Variants in CDH12 observed in about 807,000 individuals in gnomAD.
CDH12 encodes the protein cadherin-12.
Under a neutral mutation model 74.1 loss-of-function variants are expected in CDH12, and 41 were observed. That is an observed-to-expected ratio of 0.55 (90% CI 0.43 to 0.72). CDH12 has a LOEUF of 0.72. CDH12 is among the 30% of genes least tolerant of loss of function. The pLI, the probability that CDH12 is intolerant of heterozygous loss-of-function variation, is 0.00. For missense variants in CDH12, 945 were observed against 977.2 expected (o/e 0.97, Z 0.44); for synonymous variants, 399 against 355.0 (o/e 1.12, Z -1.39).
chr5:22,469,528 C>T (rs1745871490), intron 2 of CDH12, among the ~76,000 whole-genome samples: 1 of 123,486 alleles, frequency 8.1e-6, no homozygotes, highest in Non-Finnish European at 1.7e-5. Context: ...CATTAAGGCT[C>T]ACTCCAGTGA....
chr5:22,656,321 A>C (rs1392188817), intron 1 of CDH12, among the ~76,000 whole-genome samples: 1 of 152,230 alleles, frequency 6.6e-6, no homozygotes, highest in Non-Finnish European at 1.5e-5. Flanking sequence ...ATCTTTAAAA[A>C]GGTGTTCAAG....
chr5:22,825,852 T>C (rs1736299608), intron 1 of CDH12, among the ~76,000 whole-genome samples: 1 of 152,106 alleles, frequency 6.6e-6, no homozygotes, highest in Non-Finnish European at 1.5e-5. Context: ...AGGGAGAAAT[T>C]TGCAAATACC....
intron 3 of CDH12, among the ~76,000 whole-genome samples, chr5:22,360,693 C>T (rs1740763509): frequency 6.6e-6 from 1 of 152,108 alleles, no homozygotes; most frequent in South Asian, 2.1e-4. Flanking sequence ...AAAATACTGG[C>T]AAACTGAATC....
At chr5:22,673,036 T>C (rs558865452) in intron 1 of CDH12, among the ~76,000 whole-genome samples, 16 of 152,120 alleles carry the variant, frequency 1.1e-4, no homozygotes, top group Non-Finnish European at 2.2e-4. Flanking sequence ...TTTTTTCTCT[T>C]TTGGATCTTT....
chr5:22,553,662 A>C (rs1449381849), intron 1 of CDH12, among the ~76,000 whole-genome samples: 1 of 152,212 alleles, frequency 6.6e-6, no homozygotes, highest in Non-Finnish European at 1.5e-5. Flanking sequence ...ATAACAATGG[A>C]TAGTAAGACT....
intron 6 of CDH12, among the ~76,000 whole-genome samples, chr5:21,933,039 A>T (rs1215526832): frequency 6.6e-6 from 1 of 151,528 alleles, no homozygotes; most frequent in African/African-American, 2.4e-5. Flanking sequence ...TATATCCAAC[A>T]TTAGCAAGCT....
intron 1 of CDH12, among the ~76,000 whole-genome samples, chr5:22,578,096 C>G (rs1014785001): frequency 1.4e-4 from 21 of 152,152 alleles, no homozygotes; most frequent in Non-Finnish European, 2.9e-5. Flanking sequence ...TGTCATCACT[C>G]TTACTATTCA....
At chr5:22,281,000 C>T (rs1329574124) in intron 3 of CDH12, among the ~76,000 whole-genome samples, 4 of 152,152 alleles carry the variant, frequency 2.6e-5, no homozygotes, top group South Asian at 2.1e-4. Context: ...CCGAATCCAG[C>T]AGCCCATCAA....
intron 5 of CDH12, among the ~76,000 whole-genome samples, chr5:22,011,497 T>C (rs1737290560): frequency 1.3e-5 from 2 of 152,192 alleles, no homozygotes; most frequent in Non-Finnish European, 2.9e-5. Flanking sequence ...GTATGTCCAT[T>C]TAACTTCTGG....
At chr5:21,809,991 T>A (rs1747659845) in intron 9 of CDH12, among the ~76,000 whole-genome samples, 1 of 152,020 alleles carries the variant, frequency 6.6e-6, no homozygotes, top group Non-Finnish European at 1.5e-5. Context: ...CATGTAAGAA[T>A]TCATGAAGAT....
At chr5:22,101,586 T>C (rs1448447128) in intron 4 of CDH12, among the ~76,000 whole-genome samples, 1 of 152,106 alleles carries the variant, frequency 6.6e-6, no homozygotes, top group Non-Finnish European at 1.5e-5. Flanking sequence ...ACAGAAGTAT[T>C]TTCCATCTTA....
In CDH12 at chr5:22,699,356, C is replaced by T. The variant is rs144594751; in HGVS notation, c.-523+153702G>A. Among the ~76,000 whole-genome samples, 22 of 152,204 alleles carry T rather than the reference C, an allele frequency of 1.4e-4. No individual in the cohort carries two copies. In the East Asian group the frequency reaches 3.3e-3, roughly 23 times the overall value. ...TGATACCAATACATGTTTGTTAACA[C>T]GATTAACTACAAAGTGGGATTTCAT... is the stretch of plus-strand genomic sequence containing the variant. On this transcript the variant is annotated intron_variant, in intron 1 of 14. Transcript: ENST00000382254.
chr5:21,915,441 T>C lies in CDH12; in HGVS notation c.526+59650A>G, dbSNP rs939222556. On this transcript the variant is annotated intron_variant, in intron 6 of 14. Coordinates refer to ENST00000382254, the MANE Select transcript of CDH12 (RefSeq NM_004061.5). ...GAATTTAAAAAGGAACACAATGACCTAACTATGGGGCAAGTTAATAATAGG... is the reference window on the plus strand; with the variant it reads ...GAATTTAAAAAGGAACACAATGACCCAACTATGGGGCAAGTTAATAATAGG... Among the ~76,000 whole-genome samples the C allele has an allele frequency of 6.6e-5, 10 of 152,290 alleles. No homozygotes were observed. The South Asian group carries it at 2.1e-3, about 32-fold the overall frequency.
intron 1 of CDH12, among the ~76,000 whole-genome samples, chr5:22,576,750 G>A (rs780255156): frequency 1.1e-4 from 17 of 152,124 alleles, no homozygotes; most frequent in Non-Finnish European, 2.4e-4. Flanking sequence ...AAGTAGTTCA[G>A]TGGGGAGAGA....
In CDH12 at chr5:22,800,309, GT is replaced by G. The variant is rs141304547; in HGVS notation, c.-523+52748del. ...ACTAACTGGTTTCTTGGTTAAAGGAGTTTTTTTCTTACTGCTTATAACTAGA... is the reference window on the plus strand; with the variant it reads ...ACTAACTGGTTTCTTGGTTAAAGGAGTTTTTTCTTACTGCTTATAACTAGA... On this transcript the variant is annotated intron_variant, in intron 1 of 14. Coordinates refer to ENST00000382254, the MANE Select transcript of CDH12 (RefSeq NM_004061.5). Among the ~76,000 whole-genome samples, 29 of 152,226 alleles carry G rather than the reference GT, an allele frequency of 1.9e-4. No homozygotes were observed. The East Asian group carries it at 1.9e-3, about 10-fold the overall frequency.
At chr5:22,586,553 G>A (rs1740413907) in intron 1 of CDH12, among the ~76,000 whole-genome samples, 1 of 148,870 alleles carries the variant, frequency 6.7e-6, no homozygotes, top group Non-Finnish European at 1.5e-5. Flanking sequence ...AGAGATATGG[G>A]GATTTAGAAA....
At chr5:22,798,355 G>T (rs774949960) in intron 1 of CDH12, among the ~76,000 whole-genome samples, 13 of 152,132 alleles carry the variant, frequency 8.5e-5, no homozygotes, top group Admixed American at 2.6e-4. Flanking sequence ...TTACCGGACT[G>T]CTTAAAATTC....
chr5:22,154,684 A>T (rs1487369304), intron 4 of CDH12, among the ~76,000 whole-genome samples: 1 of 151,900 alleles, frequency 6.6e-6, no homozygotes, highest in African/African-American at 2.4e-5. Flanking sequence ...CAAAAATAAA[A>T]TAAAAATTGC....
intron 1 of CDH12, among the ~76,000 whole-genome samples, chr5:22,819,928 GAT>G (rs1749586278): frequency 1.4e-5 from 2 of 145,572 alleles, no homozygotes; most frequent in South Asian, 4.2e-4. Context: ...TATTTATATA[GAT>G]GTGTGTGTAT....
Sources: allele counts gnomAD v4.1 joint callset (sites outside exome capture counted in the v4.1 genomes callset), GRCh38; gene constraint gnomAD v4.1.1; transcripts MANE v1.5; gene names NCBI Gene and HGNC (gene_info 2026-07-23, HGNC 2026-07-21).